The following CCDC85A variants were observed in gnomAD, a reference collection of about 807,000 sequenced individuals.
CCDC85A encodes the protein coiled-coil domain-containing protein 85A.
A neutral mutation model predicts 50.2 loss-of-function variants in CCDC85A; 38 were observed. The ratio of observed to expected loss-of-function variants is 0.76; its 90% CI spans 0.58 to 0.99. The LOEUF is 0.99. CCDC85A is among the 50% of genes least tolerant of loss of function. The probability of loss-of-function intolerance (pLI) is 0.00; values close to 1 mark genes in which losing one functional copy is unlikely to be tolerated. For synonymous variants in CCDC85A, 366 were observed against 301.4 expected (o/e 1.21, Z -2.22); for missense variants, 820 against 742.0 (o/e 1.11, Z -1.22).
intron 2 of CCDC85A, among the ~76,000 whole-genome samples, chr2:56,271,557 G>A (rs540698559): frequency 1.3e-5 from 2 of 152,134 alleles, no homozygotes; most frequent in Non-Finnish European, 2.9e-5. Flanking sequence ...AGATGCTGGG[G>A]TTGCCTCATA....
intron 2 of CCDC85A, among the ~76,000 whole-genome samples, chr2:56,335,927 A>G (rs894711114): frequency 2.0e-5 from 3 of 151,958 alleles, no homozygotes; most frequent in African/African-American, 4.8e-5. Flanking sequence ...AAGAGCACCA[A>G]TCCCACCCAT....
At chr2:56,201,906 A>G (rs1002481048) in intron 2 of CCDC85A, among the ~76,000 whole-genome samples, 4 of 152,180 alleles carry the variant, frequency 2.6e-5, no homozygotes, top group African/African-American at 7.2e-5. Context: ...TCTGAATGAA[A>G]TGATTGACTT....
chr2:56,271,932 G>A (rs1670718484), intron 2 of CCDC85A, among the ~76,000 whole-genome samples: 1 of 152,134 alleles, frequency 6.6e-6, no homozygotes, highest in Admixed American at 6.6e-5. Flanking sequence ...GGATGTGTGA[G>A]CTTCCTTCCA....
At chr2:56,280,563 T>C (rs1364440010) in intron 2 of CCDC85A, among the ~76,000 whole-genome samples, 1 of 152,120 alleles carries the variant, frequency 6.6e-6, no homozygotes, top group East Asian at 1.9e-4. Context: ...AATACCTTAA[T>C]TAACTATAAC....
intron 2 of CCDC85A, among the ~76,000 whole-genome samples, chr2:56,269,497 G>GGA (rs1412062571): frequency 4.6e-5 from 7 of 152,072 alleles, no homozygotes; most frequent in Non-Finnish European, 7.4e-5. Context: ...CTTGGAAGAG[G>GGA]CCCTTACAAG....
chr2:56,280,629 C>T (rs181578178), intron 2 of CCDC85A, among the ~76,000 whole-genome samples: 82 of 152,152 alleles, frequency 5.4e-4, no homozygotes, highest in African/African-American at 1.7e-3. Context: ...CCAACTAATA[C>T]GACAAATCCT....
chr2:56,291,136 A>T (rs7355401), intron 2 of CCDC85A, among the ~76,000 whole-genome samples: 17,028 of 152,236 alleles, frequency 0.11, 3,192 homozygotes, highest in African/African-American at 0.38. Flanking sequence ...CCTTTCTCAT[A>T]TAGAGGCAAA....
intron 2 of CCDC85A, among the ~76,000 whole-genome samples, chr2:56,218,337 A>G (rs1211475132): frequency 1.3e-5 from 2 of 151,894 alleles, no homozygotes; most frequent in African/African-American, 4.8e-5. Flanking sequence ...ATAAAAAATA[A>G]CCTTTTAATT....
chr2:56,183,870 C>A, upstream of CCDC85A: 2 of 985,120 alleles, frequency 2.0e-6, no homozygotes, highest in Non-Finnish European at 1.2e-6. Context: ...CGGGAGCGCA[C>A]CTCGAGGGCC....
At chr2:56,284,887 G>C (rs941812208) in intron 2 of CCDC85A, among the ~76,000 whole-genome samples, 1 of 151,942 alleles carries the variant, frequency 6.6e-6, no homozygotes, top group Non-Finnish European at 1.5e-5. Flanking sequence ...TTGTCTTAAA[G>C]ACTATTTTTT....
At chr2:56,328,638 A>T (rs891413318) in intron 2 of CCDC85A, among the ~76,000 whole-genome samples, 1 of 152,110 alleles carries the variant, frequency 6.6e-6, no homozygotes, top group Non-Finnish European at 1.5e-5. Context: ...TTGGTTTCAA[A>T]CCCCAGTTGT....
intron 2 of CCDC85A, among the ~76,000 whole-genome samples, chr2:56,259,253 A>G (rs1670117585): frequency 6.6e-6 from 1 of 152,184 alleles, no homozygotes; most frequent in Non-Finnish European, 1.5e-5. Context: ...GGATGGGATC[A>G]TATGCATTGA....
intron 2 of CCDC85A, among the ~76,000 whole-genome samples, chr2:56,318,170 G>C (rs578013707): frequency 2.0e-5 from 3 of 152,182 alleles, no homozygotes; most frequent in Admixed American, 1.3e-4. Context: ...AAGACTTAAT[G>C]CTTAATATTC....
chr2:56,363,749 C>A (rs1032111832), intron 3 of CCDC85A, among the ~76,000 whole-genome samples: 4 of 152,184 alleles, frequency 2.6e-5, no homozygotes, highest in African/African-American at 9.7e-5. Context: ...TGATAGCATG[C>A]TGAGGTGTTT....
At chr2:56,282,778 G>T (rs1301248629) in intron 2 of CCDC85A, among the ~76,000 whole-genome samples, 1 of 152,234 alleles carries the variant, frequency 6.6e-6, no homozygotes, top group African/African-American at 2.4e-5. Context: ...CCAGAGTGCT[G>T]GGATTACAGG....
At chr2:56,228,370 A>G (rs1433413451) in intron 2 of CCDC85A, among the ~76,000 whole-genome samples, 1 of 151,824 alleles carries the variant, frequency 6.6e-6, no homozygotes, top group Admixed American at 6.6e-5. Context: ...AATAGTACCC[A>G]TCTTACAAGG....
intron 2 of CCDC85A, among the ~76,000 whole-genome samples, chr2:56,222,266 T>C (rs1053597190): frequency 6.6e-6 from 1 of 152,110 alleles, no homozygotes; most frequent in African/African-American, 2.4e-5. Flanking sequence ...GTGTTTGCTT[T>C]TATATATCAT....
At chr2:56,189,314 A>G (rs1246653933) in intron 1 of CCDC85A, among the ~76,000 whole-genome samples, 2 of 42,142 alleles carry the variant, frequency 4.7e-5, no homozygotes, top group African/African-American at 9.6e-5. Flanking sequence ...TTTTTTTTTG[A>G]GACAAGGTCT....
At chr2:56,185,436 A>G (rs1010650582) in intron 1 of CCDC85A, among the ~76,000 whole-genome samples, 6 of 152,124 alleles carry the variant, frequency 3.9e-5, no homozygotes, top group African/African-American at 1.4e-4. Flanking sequence ...GTCACCGGGT[A>G]CATAGGAGTT....
Sources: allele counts gnomAD v4.1 joint callset (sites outside exome capture counted in the v4.1 genomes callset), GRCh38; gene constraint gnomAD v4.1.1; transcripts MANE v1.5; gene names NCBI Gene and HGNC (gene_info 2026-07-23, HGNC 2026-07-21).